The following KIF9 variants were observed in gnomAD, a reference collection of about 807,000 sequenced individuals.
The protein encoded by KIF9 is kinesin-like protein KIF9.
In KIF9, 68 loss-of-function variants were observed where a neutral mutation model predicts 94.8. That is an observed-to-expected ratio of 0.72 (90% CI 0.59 to 0.88). KIF9 has a LOEUF of 0.88. Ranked by LOEUF, KIF9 falls within the 40% of genes least tolerant of loss-of-function variation. The pLI is 0.00. For missense variants in KIF9, 882 were observed against 982.5 expected (o/e 0.90, Z 1.37); for synonymous variants, 343 against 362.1 (o/e 0.95, Z 0.60).
chr3:47,268,583 TC>T (rs1701438281), intron 5 of KIF9, among the ~76,000 whole-genome samples: 1 of 150,250 alleles, frequency 6.7e-6, no homozygotes, highest in African/African-American at 2.4e-5. Flanking sequence ...TTTTTCTTCT[TC>T]TTTTTTTTTT....
At chr3:47,249,158 T>TTC (rs1249316588) in intron 10 of KIF9, among the ~76,000 whole-genome samples, 1 of 151,466 alleles carries the variant, frequency 6.6e-6, no homozygotes, top group Non-Finnish European at 1.5e-5. Context: ...ATTTTTTTTT[T>TTC]TTTTTGAGAT....
In KIF9 at chr3:47,246,210, G is replaced by C. The variant is rs200213936; in HGVS notation, c.1276C>G (p.Arg426Gly). ...GGGGTCTCTCACCTCAGAACCACCC[G>C]GAACTGGTTGAACACCTCCTTGATC... ...RQIKEVFNQF[R>G]VVLSQQEQEV... The change falls in exon 13 of 21, where the codon CGG becomes GGG. Residue 426 changes from arginine (R) to glycine (G), a missense_variant. Transcript: ENST00000684063. 1.2e-6 allele frequency: 2 copies of C among 1,613,570 alleles called. No homozygotes were observed. Among genetic ancestry groups the C allele is most frequent in the African/African-American group, 1.3e-5 (1 of 74,902 alleles).
chr3:47,233,134 G>A (rs1575914294), intron 20 of KIF9, among the ~76,000 whole-genome samples: 1 of 151,740 alleles, frequency 6.6e-6, no homozygotes, highest in East Asian at 1.9e-4. Flanking sequence ...GCCAAGGTGG[G>A]TGGATCACCT....
At chr3:47,270,421 T>A (rs1482893367) in intron 5 of KIF9, among the ~76,000 whole-genome samples, 2 of 150,350 alleles carry the variant, frequency 1.3e-5, no homozygotes, top group African/African-American at 2.4e-5. Flanking sequence ...ACCCAGCTTA[T>A]TTTTTGTATT....
rs747279648 is a variant in KIF9, at chr3:47,264,269, T to G, written c.981+17A>C. The G allele has an allele frequency of 6.2e-7, 1 of 1,603,532 alleles. No homozygotes were observed. The highest frequency in any genetic ancestry group is 2.2e-5 in the East Asian group (1 of 44,804). ...AAGGGGGATTCCAGCCTGGTTTCAC[T>G]GACTGTCTTTACATACCGTTTCTTC... On this transcript the variant is annotated intron_variant, in intron 9 of 20. Coordinates refer to ENST00000684063, the MANE Select transcript of KIF9 (RefSeq NM_182902.4).
rs112623123 is a variant in KIF9, at chr3:47,254,228, C to T, written c.1059+3255G>A. 6.6e-3 allele frequency among the ~76,000 whole-genome samples: 1,006 copies of T among 152,280 alleles called. 7 individuals are homozygous for T. Among genetic ancestry groups the T allele is most frequent in the African/African-American group, 0.021 (884 of 41,544 alleles). On this transcript the variant is annotated intron_variant, in intron 10 of 20. Coordinates refer to ENST00000684063, the MANE Select transcript of KIF9 (RefSeq NM_182902.4). ...ATGCCAGCACTCTGGGAGGCCAAGG[C>T]GGGCAGATCACCTGAGGTCAGGAGT...
At chr3:47,271,216 C>T (rs368870181) in intron 5 of KIF9, 21 bp downstream of exon 5, 9 of 1,549,368 alleles carry the variant, frequency 5.8e-6, no homozygotes, top group South Asian at 3.4e-5. Context: ...GGAAAGGAAC[C>T]CTCAGGTTTT....
Position 47,244,807 on chromosome 3 carries a change from A to C in KIF9, c.1498T>G (p.Phe500Val), listed in dbSNP as rs565844112. The stretch of plus-strand genomic sequence containing the variant: ...GTCACTCACCTGAGTGGCTCTTTGA[A>C]TGTCTTCTTGGACTTGGCTTTCTTC... ...PGKKAKSKKT[F>V]KEPLSSLARK... The change falls in exon 15 of 21, where the codon TTC becomes GTC. Residue 500 changes from phenylalanine (F) to valine (V), a missense_variant. Coordinates refer to ENST00000684063, the MANE Select transcript of KIF9 (RefSeq NM_182902.4). 158 of 1,614,018 alleles carry C rather than the reference A, an allele frequency of 9.8e-5. No homozygotes were observed. The South Asian group carries it at 1.6e-3, about 16-fold the overall frequency.
chr3:47,266,717 C>T (rs1161354920), intron 7 of KIF9, among the ~76,000 whole-genome samples: 1 of 152,118 alleles, frequency 6.6e-6, no homozygotes, highest in Non-Finnish European at 1.5e-5. Context: ...CACTGAGTGC[C>T]AGGCACTTTG....
chr3:47,258,085 A>G (rs867308642), intron 9 of KIF9, among the ~76,000 whole-genome samples: 1 of 152,212 alleles, frequency 6.6e-6, no homozygotes, highest in South Asian at 2.1e-4. Flanking sequence ...ACAGAGATAC[A>G]ATGCAAACTA....
At chr3:47,234,577 TAG>T (rs1698873965) in intron 20 of KIF9, among the ~76,000 whole-genome samples, 2 of 147,486 alleles carry the variant, frequency 1.4e-5, no homozygotes. Flanking sequence ...TTTTTTGAGA[TAG>T]AGTTTCGCTT....
At chr3:47,260,916 C>G (rs567901404) in intron 9 of KIF9, among the ~76,000 whole-genome samples, 3 of 152,214 alleles carry the variant, frequency 2.0e-5, no homozygotes, top group Non-Finnish European at 4.4e-5. Flanking sequence ...AGAGCCAGGT[C>G]AACATCTCAG....
chr3:47,272,119 A>T (rs1701687524), intron 4 of KIF9, among the ~76,000 whole-genome samples: 1 of 151,956 alleles, frequency 6.6e-6, no homozygotes, highest in Non-Finnish European at 1.5e-5. Flanking sequence ...CTCCATCTAA[A>T]AAATAAATAA....
At chr3:47,250,692 G>T in intron 10 of KIF9, 1 of 298,812 alleles carries the variant, frequency 3.3e-6, no homozygotes, top group Admixed American at 3.1e-5. Context: ...CCATCTGAGT[G>T]TCTTCCCTAA....
intron 4 of KIF9, among the ~76,000 whole-genome samples, chr3:47,272,142 A>G (rs1303673554): frequency 6.6e-6 from 1 of 151,850 alleles, no homozygotes; most frequent in Non-Finnish European, 1.5e-5. Context: ...AAATAAATAA[A>G]TAATTTGTCT....
At chr3:47,258,652 C>T (rs1018480747) in intron 9 of KIF9, among the ~76,000 whole-genome samples, 4 of 152,214 alleles carry the variant, frequency 2.6e-5, no homozygotes, top group African/African-American at 9.6e-5. Flanking sequence ...ATGGCACCTC[C>T]CTGCCCCTCA....
intron 1 of KIF9, chr3:47,281,125 G>A (rs1002944653): frequency 1.5e-6 from 1 of 667,918 alleles, no homozygotes; most frequent in South Asian, 1.6e-5. Flanking sequence ...AATGGCGGTG[G>A]TTGGTGATGG....
At position 47,243,189 on chromosome 3, in the gene KIF9, T is replaced by G. The variant is rs1353649489; in HGVS notation, c.1571A>C (p.Tyr524Ser). 6.2e-7 allele frequency: 1 copy of G among 1,613,822 alleles called. No individual in the cohort carries two copies. The highest frequency in any genetic ancestry group is 8.5e-7 in the Non-Finnish European group (1 of 1,179,830). ...CAGCTGGGTCTTGGAGGTGGAAACG[T>G]AATCCAAGTCCTTCCCATTCACAGG... Reference protein sequence around the residue: ...SSPVNGKDLDYVSTSKTQLVP... With the variant: ...SSPVNGKDLDSVSTSKTQLVP... The change falls in exon 16 of 21, where the codon TAC becomes TCC. Residue 524 changes from tyrosine (Y) to serine (S), a missense_variant. Physicochemically the swap from Tyr to Ser is moderately radical, Grantham distance 144 (BLOSUM62 -2). Coordinates refer to ENST00000684063, the MANE Select transcript of KIF9 (RefSeq NM_182902.4).
At chr3:47,273,457 TC>T in intron 4 of KIF9, 94 bp downstream of exon 4, 1 of 903,132 alleles carries the variant, frequency 1.1e-6, no homozygotes, top group Admixed American at 2.4e-5. Context: ...TGAGGCCTGG[TC>T]CCCACTGTCT....
Sources: gnomAD v4.1 joint callset for allele counts (sites outside exome capture counted in the v4.1 genomes callset) on GRCh38, gnomAD v4.1.1 for gene constraint, MANE v1.5 for transcripts, NCBI Gene and HGNC (gene_info 2026-07-23, HGNC 2026-07-21) for gene names.